Variants in IRAK2 observed in about 807,000 individuals in gnomAD.
The protein encoded by IRAK2 is interleukin-1 receptor-associated kinase-like 2.
IRAK2 carries 57 observed loss-of-function variants against 72.0 expected under a neutral mutation model. The observed-to-expected ratio is 0.79, with a 90% CI of 0.64 to 0.99. The LOEUF is 0.99. Among genes scored for constraint, IRAK2 ranks in the 50% least tolerant of loss-of-function variants. IRAK2 has a pLI of 0.00. For synonymous variants in IRAK2, 293 were observed against 312.7 expected, an observed-to-expected ratio of 0.94 and a Z score of 0.67; for missense variants, 790 against 794.4, an observed-to-expected ratio of 0.99 and a Z score of 0.07.
At position 10,219,709 on chromosome 3, in the gene IRAK2, G is replaced by C; in HGVS notation, c.933G>C (p.Gln311His). ...GCTCGGACCCCCTCCCCTGGCCCCA[G>C]CGTGTCAGCATCTGCTCAGGGCTGC... is the stretch of plus-strand genomic sequence containing the variant. ...QGGSDPLPWP[Q>H]RVSICSGLLC... Residue 311 changes from glutamine (Q) to histidine (H), a missense_variant, in exon 8 of 13, where the codon CAG becomes CAC. Transcript: ENST00000256458. 1 of 1,612,866 alleles carries C rather than the reference G, an allele frequency of 6.2e-7. No homozygotes were observed. The highest frequency in any genetic ancestry group is 8.5e-7 in the Non-Finnish European group (1 of 1,179,548).
chr3:10,233,689 AATT>A (rs1338249102), intron 10 of IRAK2, among the ~76,000 whole-genome samples: 1 of 152,174 alleles, frequency 6.6e-6, no homozygotes, highest in Non-Finnish European at 1.5e-5. Context: ...AATAAGATTA[AATT>A]ATTAAGTGCT....
chr3:10,221,426 T>C (rs1045453301), intron 8 of IRAK2, among the ~76,000 whole-genome samples: 2 of 150,912 alleles, frequency 1.3e-5, no homozygotes, highest in South Asian at 2.1e-4. Flanking sequence ...GCTAACTTTT[T>C]GTATTTTTAG....
At chr3:10,239,478 G>A (rs1292487356) in intron 12 of IRAK2, among the ~76,000 whole-genome samples, 1 of 152,098 alleles carries the variant, frequency 6.6e-6, no homozygotes, top group Non-Finnish European at 1.5e-5. Flanking sequence ...GGAGGCCGAG[G>A]CGGGTGGATC....
chr3:10,208,403 G>A (rs763269217), intron 3 of IRAK2, among the ~76,000 whole-genome samples: 17 of 151,430 alleles, frequency 1.1e-4, no homozygotes, highest in Non-Finnish European at 1.5e-4. Flanking sequence ...CTGGGCACAA[G>A]TGATCCTCAT....
At chr3:10,177,728 G>A (rs927514408) in intron 1 of IRAK2, 110 bp from the exon 2 acceptor site, 60 of 1,031,670 alleles carry the variant, frequency 5.8e-5, no homozygotes, top group Non-Finnish European at 6.1e-5. Flanking sequence ...GTGTGGAGGC[G>A]GTGGTTGGGG....
chr3:10,184,798 C>T (rs1440169146), intron 2 of IRAK2, among the ~76,000 whole-genome samples: 5 of 142,978 alleles, frequency 3.5e-5, no homozygotes, highest in Admixed American at 7.3e-5. Flanking sequence ...GGCGCGATCT[C>T]GGCTCACTGC....
At chr3:10,210,994 G>A (rs150758076) in intron 4 of IRAK2, among the ~76,000 whole-genome samples, 2,500 of 152,200 alleles carry the variant, frequency 0.016, 64 homozygotes, top group African/African-American at 0.056. Context: ...GAGTAGCTGG[G>A]ATTACATGCA....
At chr3:10,198,407 G>A (rs1021903944) in intron 2 of IRAK2, among the ~76,000 whole-genome samples, 6 of 152,190 alleles carry the variant, frequency 3.9e-5, no homozygotes, top group Non-Finnish European at 7.3e-5. Flanking sequence ...TGGGGCGTCT[G>A]CCCCTGGGGG....
At chr3:10,222,226 T>C (rs1697709308) in intron 8 of IRAK2, among the ~76,000 whole-genome samples, 1 of 152,162 alleles carries the variant, frequency 6.6e-6, no homozygotes, top group Non-Finnish European at 1.5e-5. Flanking sequence ...TTACATGATC[T>C]GGGCAGGTTT....
chr3:10,209,096 G>A (rs924763128), intron 3 of IRAK2, among the ~76,000 whole-genome samples: 1 of 152,090 alleles, frequency 6.6e-6, no homozygotes, highest in African/African-American at 2.4e-5. Flanking sequence ...CTCCCAGCCT[G>A]TTATGGTCTC....
At chr3:10,198,982 T>A (rs1409926367) in intron 2 of IRAK2, among the ~76,000 whole-genome samples, 2 of 152,104 alleles carry the variant, frequency 1.3e-5, no homozygotes, top group Non-Finnish European at 2.9e-5. Flanking sequence ...TCAGGTTTTA[T>A]CTGGGAGGCA....
intron 2 of IRAK2, among the ~76,000 whole-genome samples, chr3:10,180,766 G>A (rs1443132811): frequency 6.6e-6 from 1 of 152,130 alleles, no homozygotes; most frequent in Non-Finnish European, 1.5e-5. Flanking sequence ...GATAAACCAG[G>A]AGAGCAGGGG....
At chr3:10,201,506 G>T (rs1475698771) in intron 3 of IRAK2, among the ~76,000 whole-genome samples, 1 of 152,238 alleles carries the variant, frequency 6.6e-6, no homozygotes, top group Admixed American at 6.5e-5. Context: ...CTTGCTTAAG[G>T]TCACACAAAT....
At chr3:10,167,329 G>A (rs968818804) in intron 1 of IRAK2, among the ~76,000 whole-genome samples, 1 of 152,016 alleles carries the variant, frequency 6.6e-6, no homozygotes, top group African/African-American at 2.4e-5. Flanking sequence ...CATATAAATG[G>A]AATCATATAA....
intron 2 of IRAK2, among the ~76,000 whole-genome samples, chr3:10,190,525 T>C (rs1448565426): frequency 6.6e-6 from 1 of 152,072 alleles, no homozygotes; most frequent in Admixed American, 6.6e-5. Context: ...CATTATTCCA[T>C]TGGAAAAAAG....
intron 10 of IRAK2, among the ~76,000 whole-genome samples, chr3:10,233,657 A>G (rs1032714474): frequency 5.3e-5 from 8 of 152,156 alleles, no homozygotes; most frequent in Admixed American, 1.3e-4. Flanking sequence ...TGTTTGTATC[A>G]TAAGAGATTG....
rs1698075615 is a variant in IRAK2, at chr3:10,242,436, C to T, written c.*208C>T. 1 of 383,522 alleles carries T rather than the reference C, an allele frequency of 2.6e-6. No homozygotes were observed. Among genetic ancestry groups the T allele is most frequent in the Non-Finnish European group, 4.7e-6 (1 of 212,168 alleles). 23.8% of individuals were successfully genotyped at this position (383,522 alleles called of 1,614,324 possible). A position where few individuals can be genotyped will look rare whatever the true frequency, so the allele number is the denominator to read the frequency against. On this transcript the variant is annotated 3_prime_UTR_variant, in exon 13 of 13. Transcript: ENST00000256458. ...AGAGACACAAAAATCCATGAAGTCT[C>T]TTCCTTTCTGGGCTTTGTTAGTCAG...
intron 4 of IRAK2, 136 bp from the exon 5 acceptor site, chr3:10,213,071 C>G (rs1697548104): frequency 1.3e-6 from 1 of 746,510 alleles, no homozygotes; most frequent in South Asian, 1.8e-5. Flanking sequence ...CCCGGCCTAT[C>G]CATGTCCTTT....
chr3:10,168,505 C>T (rs991268529), intron 1 of IRAK2, among the ~76,000 whole-genome samples: 6 of 152,152 alleles, frequency 3.9e-5, no homozygotes, highest in Admixed American at 6.6e-5. Flanking sequence ...GCACCATGTC[C>T]GGCCTTATTG....
Sources: gnomAD v4.1 joint callset for allele counts (sites outside exome capture counted in the v4.1 genomes callset) on GRCh38, gnomAD v4.1.1 for gene constraint, MANE v1.5 for transcripts, NCBI Gene and HGNC (gene_info 2026-07-23, HGNC 2026-07-21) for gene names.